Variants in GRIA3 observed in about 807,000 individuals in gnomAD.
GRIA3 encodes glutamate ionotropic receptor AMPA type subunit 3.
In GRIA3, 3 loss-of-function variants were observed where a neutral mutation model predicts 63.0. The ratio of observed to expected loss-of-function variants is 0.05; its 90% CI spans 0.02 to 0.12. GRIA3 has a LOEUF of 0.12. Among genes scored for constraint, GRIA3 ranks in the 10% least tolerant of loss-of-function variants. The pLI is 1.00. For missense variants in GRIA3, 347 were observed against 700.9 expected (o/e 0.50, Z 5.70); for synonymous variants, 274 against 257.9 (o/e 1.06, Z -0.60).
intron 11 of GRIA3, among the ~76,000 whole-genome samples, chrX:123,420,392 T>G (rs1220670792): frequency 9.0e-6 from 1 of 111,666 alleles, no homozygotes; most frequent in Non-Finnish European, 1.9e-5. Flanking sequence ...CTTGATTACA[T>G]TCTCCAAATT....
At chrX:123,452,252 C>A (rs1354199207) in intron 12 of GRIA3, among the ~76,000 whole-genome samples, 4 of 110,592 alleles carry the variant, frequency 3.6e-5, no homozygotes, top group Non-Finnish European at 7.6e-5. Context: ...CAGAAGCAGT[C>A]ATCAGTAGCT....
At chrX:123,468,784 G>A (rs1339876844) in intron 13 of GRIA3, among the ~76,000 whole-genome samples, 2 of 112,078 alleles carry the variant, frequency 1.8e-5, no homozygotes, top group South Asian at 3.7e-4. Flanking sequence ...GTCCCATCTC[G>A]TTAACATGAA....
intron 7 of GRIA3, among the ~76,000 whole-genome samples, 174 bp downstream of exon 7, chrX:123,398,977 A>C (rs2045429358): frequency 9.0e-6 from 1 of 111,022 alleles, no homozygotes; most frequent in Non-Finnish European, 1.9e-5. Flanking sequence ...AAACCTAGAA[A>C]TCTAAAAGTT....
intron 3 of GRIA3, among the ~76,000 whole-genome samples, chrX:123,286,636 C>A (rs1482211067): frequency 1.8e-5 from 2 of 111,650 alleles, no homozygotes; most frequent in African/African-American, 3.3e-5. Flanking sequence ...CTATAAACAC[C>A]TCTACGCAAA....
intron 10 of GRIA3, among the ~76,000 whole-genome samples, chrX:123,412,936 C>A (rs935283499): frequency 4.5e-5 from 5 of 110,171 alleles, no homozygotes; most frequent in Non-Finnish European, 9.5e-5. Context: ...AAAAAAAATA[C>A]AGAAATGCCA....
chrX:123,214,759 G>A (rs1165127909), intron 2 of GRIA3, among the ~76,000 whole-genome samples: 2 of 112,177 alleles, frequency 1.8e-5, no homozygotes, highest in African/African-American at 6.5e-5. Context: ...TCTTAACTCA[G>A]TTACAAAAAC....
At chrX:123,347,064 C>T (rs549798302) in intron 4 of GRIA3, among the ~76,000 whole-genome samples, 1 of 111,953 alleles carries the variant, frequency 8.9e-6, no homozygotes, top group African/African-American at 3.2e-5. Flanking sequence ...ATAACTGGCT[C>T]ACAAAATTTC....
At position 123,290,586 on chromosome X, in the gene GRIA3, CTGTGTGTGTG is replaced by C. The variant is rs761564682; in HGVS notation, c.509-35406_509-35397del. On this transcript the variant is annotated intron_variant, in intron 3 of 15. Transcript: ENST00000620443. ...TCTCTTGCTCCCTCTCCTCAAAGGA[CTGTGTGTGTG>C]TGTGTGTGTGTGTGTGTGTGTGTGT... Among the ~76,000 whole-genome samples the C allele has an allele frequency of 7.3e-3, 661 of 90,148 alleles. 6 individuals carry two copies. The highest frequency in any genetic ancestry group is 0.02 in the African/African-American group (487 of 24,815). The allele number at this position is 90,148 out of a possible 115,157, so 78.3% of individuals were successfully genotyped here.
At chrX:123,266,330 G>A (rs1237925062) in intron 3 of GRIA3, among the ~76,000 whole-genome samples, 3 of 111,226 alleles carry the variant, frequency 2.7e-5, no homozygotes, top group Admixed American at 9.6e-5. Flanking sequence ...CAAACTCAAT[G>A]TTCTGAATTC....
intron 3 of GRIA3, among the ~76,000 whole-genome samples, chrX:123,310,560 CAA>C (rs1406443038): frequency 8.8e-6 from 1 of 113,269 alleles, no homozygotes; most frequent in Non-Finnish European, 1.9e-5. Flanking sequence ...CAGCTCTAGA[CAA>C]AGTGTTAATT....
At chrX:123,484,429 TTTGTTG>T (rs749698430) in intron 15 of GRIA3, among the ~76,000 whole-genome samples, 5 of 111,329 alleles carry the variant, frequency 4.5e-5, no homozygotes, top group Non-Finnish European at 7.6e-5. Context: ...GCATTTGTGT[TTTGTTG>T]TTGTTGTTGT....
chrX:123,367,638 T>C (rs1431541555), intron 5 of GRIA3, among the ~76,000 whole-genome samples: 1 of 111,265 alleles, frequency 9.0e-6, no homozygotes, highest in Non-Finnish European at 1.9e-5. Flanking sequence ...AGTTTCACCA[T>C]GTTGGCCAGG....
chrX:123,468,286 C>CAA (rs375627030), intron 13 of GRIA3, among the ~76,000 whole-genome samples: 5 of 94,936 alleles, frequency 5.3e-5, no homozygotes, highest in South Asian at 4.6e-4. Flanking sequence ...ATTAGTGATG[C>CAA]AAAAAAAAAA....
intron 13 of GRIA3, among the ~76,000 whole-genome samples, chrX:123,472,087 A>G: frequency 1.1e-5 from 1 of 88,395 alleles, no homozygotes; most frequent in Admixed American, 1.3e-4. Context: ...AGATGCTAGA[A>G]TGTATGCTAA....
chrX:123,280,422 A>T (rs182566053), intron 3 of GRIA3, among the ~76,000 whole-genome samples: 2 of 111,564 alleles, frequency 1.8e-5, no homozygotes, highest in Admixed American at 9.5e-5. Flanking sequence ...AATTAAATAC[A>T]CTCTTTTTTA....
intron 13 of GRIA3, among the ~76,000 whole-genome samples, chrX:123,474,311 C>T (rs1014445284): frequency 8.9e-6 from 1 of 112,242 alleles, no homozygotes; most frequent in Admixed American, 9.4e-5. Flanking sequence ...TTAGGTATTT[C>T]CTGAAATTAA....
chrX:123,393,607 G>A (rs2045397771), intron 5 of GRIA3, among the ~76,000 whole-genome samples: 1 of 112,090 alleles, frequency 8.9e-6, no homozygotes, highest in Non-Finnish European at 1.9e-5. Flanking sequence ...ATCTTTAAGG[G>A]TGAAGTATAC....
intron 5 of GRIA3, among the ~76,000 whole-genome samples, chrX:123,374,477 C>T (rs2045271075): frequency 1.8e-5 from 2 of 111,856 alleles, no homozygotes; most frequent in Non-Finnish European, 3.8e-5. Flanking sequence ...ATTGATTCTT[C>T]CTATCCATGA....
intron 2 of GRIA3, among the ~76,000 whole-genome samples, chrX:123,231,631 G>T (rs1321401258): frequency 2.7e-5 from 3 of 111,373 alleles, no homozygotes; most frequent in African/African-American, 9.8e-5. Context: ...AGTAAGGGAT[G>T]GCATGGCTTA....
Sources: gnomAD v4.1 joint callset for allele counts (sites outside exome capture counted in the v4.1 genomes callset) on GRCh38, gnomAD v4.1.1 for gene constraint, MANE v1.5 for transcripts, NCBI Gene and HGNC (gene_info 2026-07-23, HGNC 2026-07-21) for gene names.